The following SLC1A3 variants were observed in gnomAD, a reference collection of about 807,000 sequenced individuals.
SLC1A3 encodes the protein solute carrier family 1 member 3.
SLC1A3 carries 21 observed loss-of-function variants against 48.1 expected under a neutral mutation model. The observed-to-expected ratio is 0.44, with a 90% CI of 0.31 to 0.63. SLC1A3 has a LOEUF of 0.63. SLC1A3 is among the 20% of genes least tolerant of loss of function. The pLI is 0.08. For missense variants in SLC1A3, 546 were observed against 689.0 expected (o/e 0.79, Z 2.32); for synonymous variants, 239 against 251.4 (o/e 0.95, Z 0.47).
intron 1 of SLC1A3, among the ~76,000 whole-genome samples, chr5:36,600,917 G>A (rs1254855788): frequency 6.6e-6 from 1 of 152,176 alleles, no homozygotes; most frequent in African/African-American, 2.4e-5. Flanking sequence ...GTTGATTTGT[G>A]CTCAAGGCCC....
intron 3 of SLC1A3, among the ~76,000 whole-genome samples, chr5:36,634,639 T>C (rs1164697559): frequency 6.6e-6 from 1 of 152,004 alleles, no homozygotes; most frequent in Non-Finnish European, 1.5e-5. Flanking sequence ...TTATCCAAAA[T>C]AAAACAAATA....
chr5:36,667,774 TAAC>T (rs1741816498), intron 3 of SLC1A3: 1 of 152,226 alleles, frequency 6.6e-6, no homozygotes, highest in South Asian at 2.1e-4. Flanking sequence ...ATGGTACTTA[TAAC>T]AATAGTACAA....
At chr5:36,673,845 G>T (rs1055484630) in intron 4 of SLC1A3, among the ~76,000 whole-genome samples, 1 of 152,114 alleles carries the variant, frequency 6.6e-6, no homozygotes, top group African/African-American at 2.4e-5. Flanking sequence ...GTCAAGTTTG[G>T]ACTCCCCTGA....
At chr5:36,618,176 A>G (rs1000526249) in intron 2 of SLC1A3, among the ~76,000 whole-genome samples, 30 of 152,326 alleles carry the variant, frequency 2.0e-4, no homozygotes, top group Middle Eastern at 3.4e-3. Flanking sequence ...TAAAGCCCAA[A>G]TTTAATCCAT....
At position 36,608,503 on chromosome 5, in the gene SLC1A3, T is replaced by C; in HGVS notation, c.80T>C (p.Leu27Pro). ...RFQQGVRKRT[L>P]LAKKKVQNIT... ...CAGCAGGGAGTCCGTAAACGCACAC[T>C]TTTGGCCAAGAAGAAAGTGCAGAAC... Residue 27 changes from leucine (L) to proline (P), a missense_variant, in exon 2 of 10, where the codon CTT becomes CCT. This residue lies in a region of SLC1A3 where 348 missense variants were observed against 392.0 expected (regional missense o/e 0.89). Coordinates refer to ENST00000265113, the MANE Select transcript of SLC1A3 (RefSeq NM_004172.5). 6.2e-7 allele frequency: 1 copy of C among 1,614,046 alleles called. No individual in the cohort carries two copies. Among genetic ancestry groups the C allele is most frequent in the South Asian group, 1.1e-5 (1 of 91,080 alleles).
At chr5:36,606,990 G>A (rs1579936830) in intron 1 of SLC1A3, 1 of 151,680 alleles carries the variant, frequency 6.6e-6, no homozygotes, top group Admixed American at 6.6e-5. Flanking sequence ...GATCAAGGTT[G>A]AGCGGATCTG....
intron 1 of SLC1A3, among the ~76,000 whole-genome samples, chr5:36,596,760 C>A (rs1034315836): frequency 5.9e-5 from 9 of 152,216 alleles, no homozygotes; most frequent in African/African-American, 2.2e-4. Context: ...TCACTCTCTT[C>A]TACATCTGGT....
chr5:36,619,716 C>T lies in SLC1A3; in HGVS notation c.182-9734C>T, dbSNP rs941108213. On this transcript the variant is annotated intron_variant, in intron 2 of 9. Transcript: ENST00000265113. ...TAAGTGTGAGACAGGCTTATGATTT[C>T]TCCAAATTGGGCCAATTCCTGAAAT... is the stretch of plus-strand genomic sequence containing the variant. Among the ~76,000 whole-genome samples the T allele has an allele frequency of 3.3e-5, 5 of 152,176 alleles. No individual in the cohort carries two copies. The South Asian group carries it at 6.2e-4, about 19-fold the overall frequency.
rs1035041253 is a variant in SLC1A3 at position 36,664,531 on chromosome 5, AT to A, written c.320-6497del. 3.3e-5 allele frequency among the ~76,000 whole-genome samples: 5 copies of A among 152,276 alleles called. 1 individual carries two copies. The highest frequency in any genetic ancestry group is 9.6e-5 in the African/African-American group (4 of 41,556). On this transcript the variant is annotated intron_variant, in intron 3 of 9. Coordinates refer to ENST00000265113, the MANE Select transcript of SLC1A3 (RefSeq NM_004172.5). ...TTTACCAGAAACTACAATAATAAAT[AT>A]ATTTTGTATTGCAACCTGGCACTCA... is the stretch of plus-strand genomic sequence containing the variant.
intron 3 of SLC1A3, among the ~76,000 whole-genome samples, chr5:36,652,965 C>A (rs916620218): frequency 6.6e-6 from 1 of 152,194 alleles, no homozygotes; most frequent in Non-Finnish European, 1.5e-5. Flanking sequence ...GCTTCATAAA[C>A]CCAGTGTGAG....
At chr5:36,599,008 A>C (rs1026409187) in intron 1 of SLC1A3, among the ~76,000 whole-genome samples, 2 of 152,232 alleles carry the variant, frequency 1.3e-5, no homozygotes, top group Non-Finnish European at 2.9e-5. Flanking sequence ...ATAAGTATTA[A>C]TGAGATATTT....
intron 5 of SLC1A3, among the ~76,000 whole-genome samples, chr5:36,675,252 TA>T (rs3216691): frequency 6.7e-5 from 10 of 149,504 alleles, no homozygotes; most frequent in East Asian, 2.0e-4. Flanking sequence ...ATTCTTTCTT[TA>T]AAAAAAAAAA....
At chr5:36,673,775 G>C (rs1265295682) in intron 4 of SLC1A3, among the ~76,000 whole-genome samples, 1 of 152,084 alleles carries the variant, frequency 6.6e-6, no homozygotes, top group South Asian at 2.1e-4. Context: ...CTAGTAGCAG[G>C]GTTTTTAATA....
upstream of SLC1A3, among the ~76,000 whole-genome samples, chr5:36,605,984 C>T (rs1738920129): frequency 1.3e-5 from 2 of 152,218 alleles, no homozygotes; most frequent in African/African-American, 4.8e-5. Context: ...AGTCTCTTTA[C>T]ATTTGCTACC....
intron 3 of SLC1A3, among the ~76,000 whole-genome samples, chr5:36,658,395 G>A (rs1356447967): frequency 1.3e-5 from 2 of 152,100 alleles, no homozygotes; most frequent in Non-Finnish European, 2.9e-5. Context: ...TGACTGGTAG[G>A]CAGTGGGAGG....
chr5:36,616,765 G>C (rs996480898), intron 2 of SLC1A3, among the ~76,000 whole-genome samples: 3 of 152,102 alleles, frequency 2.0e-5, no homozygotes, highest in East Asian at 3.8e-4. Flanking sequence ...ACAAAAGCCC[G>C]GGTTTCTTGT....
chr5:36,625,260 C>T (rs1739858070), intron 2 of SLC1A3, among the ~76,000 whole-genome samples: 1 of 152,172 alleles, frequency 6.6e-6, no homozygotes, highest in Non-Finnish European at 1.5e-5. Flanking sequence ...GAGTTTGAGA[C>T]CAGCCTGGCC....
At chr5:36,673,738 T>A (rs1340542165) in intron 4 of SLC1A3, among the ~76,000 whole-genome samples, 18 of 152,178 alleles carry the variant, frequency 1.2e-4, no homozygotes. Flanking sequence ...ATGATAAAAG[T>A]CATTTCCAGT....
chr5:36,629,856 C>A, intron 3 of SLC1A3: 2 of 453,854 alleles, frequency 4.4e-6, no homozygotes, highest in Admixed American at 3.4e-5. Context: ...CTGCTAAACA[C>A]CACACCATCA....
Sources: allele counts gnomAD v4.1 joint callset (sites outside exome capture counted in the v4.1 genomes callset), GRCh38; gene constraint gnomAD v4.1.1; regional missense constraint gnomAD v4.1.1; transcripts MANE v1.5; gene names NCBI Gene and HGNC (gene_info 2026-07-23, HGNC 2026-07-21).